Variants in ROBO1 observed in about 807,000 individuals in gnomAD.
The protein encoded by ROBO1 is roundabout homolog 1.
In ROBO1, 149 loss-of-function variants were observed where a neutral mutation model predicts 195.9. That is an observed-to-expected ratio of 0.76 (90% confidence interval 0.67 to 0.87). The LOEUF is 0.87. Ranked by LOEUF, ROBO1 falls within the 40% of genes least tolerant of loss-of-function variation. ROBO1 has a pLI of 0.00. For synonymous variants in ROBO1, 816 were observed against 733.2 expected, an observed-to-expected ratio of 1.11 and a Z score of -1.82; for missense variants, 1,933 against 2,068.3, an observed-to-expected ratio of 0.93 and a Z score of 1.27.
intron 2 of ROBO1, among the ~76,000 whole-genome samples, chr3:79,568,918 G>A (rs1943179929): frequency 6.6e-6 from 1 of 151,876 alleles, no homozygotes. Flanking sequence ...ATATAATTTT[G>A]TTACATTTTT....
chr3:79,624,108 G>A (rs547700070), intron 1 of ROBO1, among the ~76,000 whole-genome samples: 16 of 152,200 alleles, frequency 1.1e-4, no homozygotes, highest in African/African-American at 2.9e-4. Context: ...AGCTTGATAA[G>A]CGAAGGAGAA....
At chr3:79,516,504 A>G (rs750258781) in intron 2 of ROBO1, among the ~76,000 whole-genome samples, 1 of 152,166 alleles carries the variant, frequency 6.6e-6, no homozygotes, top group Non-Finnish European at 1.5e-5. Flanking sequence ...TGCCACACTG[A>G]TACACAGACT....
intron 2 of ROBO1, among the ~76,000 whole-genome samples, chr3:79,378,831 G>T (rs996047769): frequency 6.6e-6 from 1 of 152,174 alleles, no homozygotes; most frequent in Non-Finnish European, 1.5e-5. Context: ...ACAAGACAAC[G>T]AAAGAGCAAT....
chr3:79,060,125 A>C lies in ROBO1; in HGVS notation c.172+65331T>G, dbSNP rs567909657. Among the ~76,000 whole-genome samples the C allele has an allele frequency of 3.9e-5, 6 of 152,104 alleles. No individual in the cohort carries two copies. The South Asian group carries it at 1.0e-3, about 26-fold the overall frequency. On this transcript the variant is annotated intron_variant, in intron 3 of 30. Transcript: ENST00000464233. Reference sequence around the variant, plus strand: ...GAAAATAAGGGATGAAATACACCCTAGTCTCCTGCAGCATCCCCAGGCTTG... The same window carrying C: ...GAAAATAAGGGATGAAATACACCCTCGTCTCCTGCAGCATCCCCAGGCTTG...
At chr3:79,508,419 T>C (rs1056968616) in intron 2 of ROBO1, among the ~76,000 whole-genome samples, 22 of 152,282 alleles carry the variant, frequency 1.4e-4, no homozygotes, top group Admixed American at 1.1e-3. Context: ...TCGAAAATTG[T>C]AAGAAAACAA....
chr3:79,294,827 C>T (rs975351430), intron 2 of ROBO1, among the ~76,000 whole-genome samples: 12 of 152,190 alleles, frequency 7.9e-5, no homozygotes, highest in East Asian at 1.9e-4. Flanking sequence ...AACATTTATG[C>T]GGCCAACTAA....
intron 4 of ROBO1, among the ~76,000 whole-genome samples, chr3:78,768,410 TA>T (rs1408009113): frequency 2.0e-5 from 3 of 151,890 alleles, no homozygotes; most frequent in Non-Finnish European, 2.9e-5. Context: ...TTTAAAAAAA[TA>T]TATGTTCCTG....
At chr3:79,532,358 A>T (rs1386882722) in intron 2 of ROBO1, among the ~76,000 whole-genome samples, 2 of 100,192 alleles carry the variant, frequency 2.0e-5, no homozygotes, top group Non-Finnish European at 4.6e-5. Flanking sequence ...CTACCTTAGC[A>T]CACAAGTTGA....
At position 79,760,236 on chromosome 3, in the gene ROBO1, CAAAAAAAAAAAAAAA is replaced by C. The variant is rs11451206; in HGVS notation, c.-51+7501_-51+7515del. On this transcript the variant is annotated intron_variant, in intron 1 of 30. Coordinates refer to ENST00000464233, the MANE Select transcript of ROBO1 (RefSeq NM_002941.4). ...TGGGTGAGACAGTGAGACCCTATCTCAAAAAAAAAAAAAAAAAAAAAAAAAAAAAAAAAAAGCACA... is the reference window on the plus strand; with the variant it reads ...TGGGTGAGACAGTGAGACCCTATCTCAAAAAAAAAAAAAAAAAAAAGCACA... 6.9e-3 allele frequency among the ~76,000 whole-genome samples: 31 copies of C among 4,510 alleles called. No homozygotes were observed. In the East Asian group the frequency reaches 0.095, roughly 14 times the overall value. 3.0% of individuals were successfully genotyped at this position (4,510 alleles called of 152,430 possible).
chr3:78,846,101 G>A (rs1318495362), intron 4 of ROBO1, among the ~76,000 whole-genome samples: 3 of 151,974 alleles, frequency 2.0e-5, no homozygotes, highest in Non-Finnish European at 4.4e-5. Flanking sequence ...TAAACACTAG[G>A]GAGATGGTAA....
At chr3:79,042,346 C>G (rs1483235469) in intron 3 of ROBO1, among the ~76,000 whole-genome samples, 1 of 151,988 alleles carries the variant, frequency 6.6e-6, no homozygotes, top group East Asian at 1.9e-4. Context: ...ATGTCTTTAT[C>G]CTTTTAAAAA....
intron 3 of ROBO1, among the ~76,000 whole-genome samples, chr3:79,055,252 T>C (rs1424091093): frequency 6.6e-6 from 1 of 152,156 alleles, no homozygotes. Context: ...ATTGCTCAAC[T>C]GCTTTTACTA....
At chr3:79,120,576 A>C (rs1011741569) in intron 3 of ROBO1, among the ~76,000 whole-genome samples, 4 of 152,082 alleles carry the variant, frequency 2.6e-5, no homozygotes, top group Non-Finnish European at 5.9e-5. Flanking sequence ...GAAACAGGAG[A>C]TCCAACAGAA....
At chr3:79,688,161 T>C (rs983736665) in intron 1 of ROBO1, among the ~76,000 whole-genome samples, 15 of 137,756 alleles carry the variant, frequency 1.1e-4, no homozygotes, top group Admixed American at 2.5e-4. Flanking sequence ...TAGGTGGGAA[T>C]TGAACAATGA....
intron 2 of ROBO1, among the ~76,000 whole-genome samples, chr3:79,559,010 GTA>G (rs1259145110): frequency 6.6e-6 from 1 of 152,060 alleles, no homozygotes; most frequent in Non-Finnish European, 1.5e-5. Context: ...CAAACCTAAC[GTA>G]GTATGTAAAC....
intron 26 of ROBO1, among the ~76,000 whole-genome samples, chr3:78,619,962 G>A (rs1179499943): frequency 6.7e-6 from 1 of 150,042 alleles, no homozygotes; most frequent in African/African-American, 2.5e-5. Flanking sequence ...GGGTTGCAGT[G>A]AGCCAAGATC....
chr3:78,624,489 G>A (rs971731943), intron 26 of ROBO1, among the ~76,000 whole-genome samples: 2 of 151,988 alleles, frequency 1.3e-5, no homozygotes, highest in Non-Finnish European at 2.9e-5. Context: ...TAGTCAAATT[G>A]ATTGTAAGTG....
intron 1 of ROBO1, among the ~76,000 whole-genome samples, chr3:79,759,882 T>C (rs1276320034): frequency 1.3e-5 from 2 of 152,084 alleles, no homozygotes; most frequent in Non-Finnish European, 2.9e-5. Flanking sequence ...GTGGCAGTCA[T>C]ATTTTTCAGC....
chr3:79,626,057 G>T (rs887446036), intron 1 of ROBO1, among the ~76,000 whole-genome samples: 4 of 152,170 alleles, frequency 2.6e-5, no homozygotes, highest in Non-Finnish European at 5.9e-5. Context: ...ATCAATAAAT[G>T]TAATCCATCA....
Sources: allele counts gnomAD v4.1 joint callset (sites outside exome capture counted in the v4.1 genomes callset), GRCh38; gene constraint gnomAD v4.1.1; transcripts MANE v1.5; gene names NCBI Gene and HGNC (gene_info 2026-07-23, HGNC 2026-07-21).